Variants in SLCO1B1 observed in about 807,000 individuals in gnomAD.
The protein encoded by SLCO1B1 is solute carrier organic anion transporter family member 1B1.
SLCO1B1 carries 81 observed loss-of-function variants against 70.1 expected under a neutral mutation model. The ratio of observed to expected loss-of-function variants is 1.16; its 90% confidence interval spans 0.97 to 1.39. The LOEUF is 1.39. Ranked by LOEUF, SLCO1B1 falls within the 40% of genes most tolerant of loss-of-function variation. The pLI, the probability that SLCO1B1 is intolerant of heterozygous loss-of-function variation, is 0.00. For missense variants in SLCO1B1, 895 were observed against 799.6 expected, an observed-to-expected ratio of 1.12 and a Z score of -1.44; for synonymous variants, 283 against 271.5, an observed-to-expected ratio of 1.04 and a Z score of -0.42.
chr12:21,160,899 A>C (rs1187068513), intron 2 of SLCO1B1, among the ~76,000 whole-genome samples: 2 of 152,180 alleles, frequency 1.3e-5, no homozygotes, highest in African/African-American at 4.8e-5. Flanking sequence ...GCCAACAAGC[A>C]CTTGAAAAAA....
intron 2 of SLCO1B1, among the ~76,000 whole-genome samples, chr12:21,157,061 A>C (rs984913019): frequency 1.3e-5 from 2 of 152,200 alleles, no homozygotes; most frequent in African/African-American, 4.8e-5. Context: ...GACCTTCTAA[A>C]ATAAGTAAGC....
At chr12:21,183,564 A>G (rs540862702) in intron 7 of SLCO1B1, among the ~76,000 whole-genome samples, 1 of 152,340 alleles carries the variant, frequency 6.6e-6, no homozygotes, top group South Asian at 2.1e-4. Flanking sequence ...AAATAAAAAT[A>G]TTGTGCAGAG....
intron 4 of SLCO1B1, among the ~76,000 whole-genome samples, chr12:21,176,370 G>C (rs1940821265): frequency 6.6e-6 from 1 of 152,074 alleles, no homozygotes; most frequent in Non-Finnish European, 1.5e-5. Context: ...TCATACATTA[G>C]AGCGTGTGTG....
At chr12:21,199,495 T>A (rs1184272723) in intron 8 of SLCO1B1, among the ~76,000 whole-genome samples, 1 of 152,156 alleles carries the variant, frequency 6.6e-6, no homozygotes, top group Admixed American at 6.6e-5. Context: ...ATCCCCTGGC[T>A]GCTTTCCTTG....
At chr12:21,213,354 G>A (rs538979384) in intron 11 of SLCO1B1, among the ~76,000 whole-genome samples, 26 of 152,032 alleles carry the variant, frequency 1.7e-4, no homozygotes, top group Admixed American at 1.3e-3. Context: ...GAAATTCTGG[G>A]TTGAAAATTC....
rs376501971 is a variant in SLCO1B1 at position 21,216,566 on chromosome 12, C to A, written c.1498-553C>A. 2.1e-4 allele frequency among the ~76,000 whole-genome samples: 32 copies of A among 152,258 alleles called. 1 individual carries two copies. The highest frequency in any genetic ancestry group is 7.7e-4 in the African/African-American group (32 of 41,564). On this transcript the variant is annotated intron_variant, in intron 11 of 14. Transcript: ENST00000256958. The stretch of plus-strand genomic sequence containing the variant: ...TTAACCTCTCTGGTAATAATATCAT[C>A]TGTCATTGTATCCTTGGATTTTGTT...
At chr12:21,178,770 A>C in intron 6 of SLCO1B1, 48 bp downstream of exon 6, 1 of 1,538,712 alleles carries the variant, frequency 6.5e-7, no homozygotes, top group Non-Finnish European at 9.0e-7. Flanking sequence ...CCCTTTGTCT[A>C]CTTTTGAAAT....
At chr12:21,209,555 G>C (rs1354306544) in intron 11 of SLCO1B1, among the ~76,000 whole-genome samples, 2 of 152,098 alleles carry the variant, frequency 1.3e-5, no homozygotes, top group African/African-American at 4.8e-5. Flanking sequence ...ATGATTTACA[G>C]TCATTTGGGT....
At chr12:21,159,040 C>T (rs1940578466) in intron 2 of SLCO1B1, among the ~76,000 whole-genome samples, 1 of 152,092 alleles carries the variant, frequency 6.6e-6, no homozygotes, top group Admixed American at 6.6e-5. Context: ...TACTTGCCAA[C>T]ATTTACATAT....
intron 5 of SLCO1B1, among the ~76,000 whole-genome samples, chr12:21,178,182 C>T (rs1940844035): frequency 6.6e-6 from 1 of 152,048 alleles, no homozygotes; most frequent in Admixed American, 6.6e-5. Flanking sequence ...TTCCCCCATA[C>T]TGTTCTCGTG....
At position 21,172,808 on chromosome 12, in the gene SLCO1B1, A is replaced by G; in HGVS notation, c.226+17A>G. The G allele has an allele frequency of 6.2e-7, 1 of 1,607,228 alleles. No homozygotes were observed. On this transcript the variant is annotated intron_variant, in intron 3 of 14. Transcript: ENST00000256958. ...TTGAAATTGGTAACATTTATTTTCT[A>G]TTTTAATAACCAAACTTGCAAAGTT... is the stretch of plus-strand genomic sequence containing the variant.
At chr12:21,195,806 A>G (rs1281296801) in intron 7 of SLCO1B1, among the ~76,000 whole-genome samples, 3 of 152,186 alleles carry the variant, frequency 2.0e-5, no homozygotes, top group Non-Finnish European at 4.4e-5. Context: ...AAGGTCTGGT[A>G]TATGCTGAGT....
chr12:21,211,898 G>A (rs12316905), intron 11 of SLCO1B1, among the ~76,000 whole-genome samples: 24,426 of 149,070 alleles, frequency 0.16, 2,173 homozygotes, highest in African/African-American at 0.18. Flanking sequence ...CTGTGGGATC[G>A]GTGGTGATAT....
At chr12:21,165,000 A>G (rs2121084829) in intron 2 of SLCO1B1, 2 of 354,400 alleles carry the variant, frequency 5.6e-6, no homozygotes, top group Middle Eastern at 3.9e-4. Flanking sequence ...ACCTGCCTCA[A>G]CTACATAGCT....
At chr12:21,172,528 G>T in intron 2 of SLCO1B1, 122 bp from the exon 3 acceptor site, 3 of 1,148,310 alleles carry the variant, frequency 2.6e-6, no homozygotes, top group South Asian at 2.5e-5. Flanking sequence ...ACTAAGTATG[G>T]TTTTTAAGAT....
chr12:21,142,692 G>A (rs1940328629), intron 2 of SLCO1B1, among the ~76,000 whole-genome samples: 2 of 151,992 alleles, frequency 1.3e-5, no homozygotes, highest in Admixed American at 1.3e-4. Context: ...CAGTCATAAG[G>A]AAAAAGTATT....
chr12:21,172,851 T>C, intron 3 of SLCO1B1, 60 bp downstream of exon 3: 3 of 1,460,750 alleles, frequency 2.1e-6, no homozygotes, highest in Non-Finnish European at 2.8e-6. Flanking sequence ...ATATATGCTT[T>C]ACACCACTGG....
At chr12:21,234,910 T>A (rs1028596061) in intron 14 of SLCO1B1, among the ~76,000 whole-genome samples, 8 of 152,164 alleles carry the variant, frequency 5.3e-5, no homozygotes, top group Admixed American at 5.2e-4. Context: ...TGAAGATGTT[T>A]GTTATAACTC....
chr12:21,196,910 T>C, intron 7 of SLCO1B1, 36 bp from the exon 8 acceptor site: 1 of 1,600,938 alleles, frequency 6.2e-7, no homozygotes, highest in Non-Finnish European at 8.6e-7. Context: ...TATTTCAAAA[T>C]GATTTTTGAC....
Sources: gnomAD v4.1 joint callset for allele counts (sites outside exome capture counted in the v4.1 genomes callset) on GRCh38, gnomAD v4.1.1 for gene constraint, MANE v1.5 for transcripts, NCBI Gene and HGNC (gene_info 2026-07-23, HGNC 2026-07-21) for gene names.